KITLG: variants seen among roughly 807,000 people sequenced by gnomAD.
The protein encoded by KITLG is c-Kit ligand.
Under a neutral mutation model 34.1 loss-of-function variants are expected in KITLG, and 13 were observed. That is an observed-to-expected ratio of 0.38 (90% CI 0.25 to 0.61). The LOEUF (loss-of-function observed/expected upper bound fraction) is 0.61. Ranked by LOEUF, KITLG falls within the 20% of genes least tolerant of loss-of-function variation. The probability of loss-of-function intolerance (pLI) is 0.60; values close to 1 mark genes in which losing one functional copy is unlikely to be tolerated. For missense variants in KITLG, 292 were observed against 318.9 expected, an observed-to-expected ratio of 0.92 and a Z score of 0.64; for synonymous variants, 110 against 104.0, an observed-to-expected ratio of 1.06 and a Z score of -0.35.
intron 4 of KITLG, among the ~76,000 whole-genome samples, chr12:88,516,736 A>G (rs751515675): frequency 3.3e-5 from 5 of 151,088 alleles, no homozygotes; most frequent in Non-Finnish European, 7.4e-5. Context: ...TAAAATAAAT[A>G]ACCTTAAAAA....
chr12:88,575,850 A>G (rs1391322341), intron 1 of KITLG, among the ~76,000 whole-genome samples: 1 of 152,208 alleles, frequency 6.6e-6, no homozygotes, highest in Non-Finnish European at 1.5e-5. Flanking sequence ...GGGAATAAAA[A>G]TAATTTACAA....
chr12:88,530,733 T>C (rs1870053389), intron 3 of KITLG, among the ~76,000 whole-genome samples: 1 of 152,126 alleles, frequency 6.6e-6, no homozygotes, highest in Admixed American at 6.6e-5. Flanking sequence ...GACATAGGCT[T>C]GAGGATAAAT....
At position 88,505,320 on chromosome 12, in the gene KITLG, C is replaced by G. The variant is rs974334028; in HGVS notation, c.783-85G>C. ...ATGATCTCGGCATTGTAAAAGGCAG[C>G]TTTTCTGTAAATATAGTAGCAGAAG... On this transcript the variant is annotated intron_variant, in intron 8 of 9. Coordinates refer to ENST00000644744, the MANE Select transcript of KITLG (RefSeq NM_000899.5). The G allele has an allele frequency of 3.2e-5, 35 of 1,078,262 alleles. No individual in the cohort carries two copies. The Middle Eastern group carries it at 6.0e-4, about 18-fold the overall frequency. The allele number at this position is 1,078,262 out of a possible 1,614,324, so 66.8% of individuals were successfully genotyped here.
chr12:88,539,796 T>G (rs919808761), intron 2 of KITLG, among the ~76,000 whole-genome samples: 1 of 151,968 alleles, frequency 6.6e-6, no homozygotes, highest in Non-Finnish European at 1.5e-5. Context: ...TGGTGGCAAC[T>G]ACTCTGGAGT....
intron 9 of KITLG, among the ~76,000 whole-genome samples, chr12:88,497,901 C>A (rs565239457): frequency 6.6e-6 from 1 of 152,016 alleles, no homozygotes; most frequent in African/African-American, 2.4e-5. Flanking sequence ...ATACTTCCAA[C>A]CAAAAAAAGA....
intron 3 of KITLG, among the ~76,000 whole-genome samples, chr12:88,519,990 C>T (rs117945932): frequency 6.6e-6 from 1 of 152,118 alleles, no homozygotes; most frequent in Non-Finnish European, 1.5e-5. Context: ...AACTGTTTTA[C>T]TTAATATAAT....
intron 1 of KITLG, among the ~76,000 whole-genome samples, chr12:88,554,385 T>G (rs1871028016): frequency 6.6e-6 from 1 of 152,236 alleles, no homozygotes; most frequent in South Asian, 2.1e-4. Context: ...AGTTAAGTGT[T>G]TGTGTAGCTC....
chr12:88,578,646 A>G (rs530142981), intron 1 of KITLG, among the ~76,000 whole-genome samples: 2 of 152,288 alleles, frequency 1.3e-5, no homozygotes, highest in Non-Finnish European at 2.9e-5. Flanking sequence ...TCTCAAAGTG[A>G]CTTGATAGTA....
chr12:88,525,742 A>T (rs1869841266), intron 3 of KITLG, among the ~76,000 whole-genome samples: 1 of 152,222 alleles, frequency 6.6e-6, no homozygotes, highest in Admixed American at 6.5e-5. Flanking sequence ...TCACAAGATA[A>T]TAAACTAAAA....
At chr12:88,563,823 A>C (rs1871364717) in intron 1 of KITLG, among the ~76,000 whole-genome samples, 1 of 152,062 alleles carries the variant, frequency 6.6e-6, no homozygotes, top group South Asian at 2.1e-4. Context: ...TTAGCTGGGC[A>C]TGGTGGTGGG....
intron 1 of KITLG, among the ~76,000 whole-genome samples, chr12:88,577,336 C>A (rs1871861589): frequency 6.6e-6 from 1 of 152,086 alleles, no homozygotes; most frequent in African/African-American, 2.4e-5. Context: ...CAAGATCAAT[C>A]TTTCTTATCT....
At chr12:88,527,823 T>C (rs1869934210) in intron 3 of KITLG, among the ~76,000 whole-genome samples, 1 of 152,158 alleles carries the variant, frequency 6.6e-6, no homozygotes, top group Non-Finnish European at 1.5e-5. Flanking sequence ...TTGCATAAGC[T>C]CCACAGAAGC....
chr12:88,518,730 G>A lies in KITLG; in HGVS notation c.330C>T (p.Asp110=), dbSNP rs551112992. Residue 110 remains aspartate (D), a synonymous_variant, in exon 4 of 10, where the codon GAC becomes GAT. Coordinates refer to ENST00000644744, the MANE Select transcript of KITLG (RefSeq NM_000899.5). ...IIDKLVNIVD[D]LVECVKENSS... ...AGTTTTCTTTCACGCACTCCACAAG[G>A]TCATCCACTATATTCACAAGTTTGT... 6.2e-7 allele frequency: 1 copy of A among 1,613,306 alleles called. No homozygotes were observed. Among genetic ancestry groups the A allele is most frequent in the Non-Finnish European group, 8.5e-7 (1 of 1,179,494 alleles).
chr12:88,565,829 G>A (rs1023180971), intron 1 of KITLG, among the ~76,000 whole-genome samples: 1 of 152,180 alleles, frequency 6.6e-6, no homozygotes, highest in East Asian at 1.9e-4. Context: ...ACCCTCACAG[G>A]TGGGGAGAAT....
intron 1 of KITLG, among the ~76,000 whole-genome samples, chr12:88,565,364 G>A (rs1272661190): frequency 6.6e-6 from 1 of 152,060 alleles, no homozygotes; most frequent in African/African-American, 2.4e-5. Flanking sequence ...CGGTGGCTCA[G>A]GCCTGTAATC....
chr12:88,515,463 A>C (rs796551952), intron 6 of KITLG, 71 bp downstream of exon 6: 2 of 919,104 alleles, frequency 2.2e-6, no homozygotes, highest in African/African-American at 3.3e-5. Flanking sequence ...AGTTTCCTTG[A>C]AAGCCCATGC....
chr12:88,561,127 T>C (rs183187893), intron 1 of KITLG, among the ~76,000 whole-genome samples: 1 of 152,228 alleles, frequency 6.6e-6, no homozygotes, highest in East Asian at 1.9e-4. Flanking sequence ...TTATGGCCGT[T>C]GGAAAGTTAT....
rs1868473248 is a variant in KITLG at position 88,493,151 on chromosome 12, A to T, written c.*4068T>A. On this transcript the variant is annotated 3_prime_UTR_variant, in exon 10 of 10. Transcript: ENST00000644744. Reference sequence around the variant, plus strand: ...AATCACATATTAACCCTTAGAATATAGAATAGAATATTTTGATTGGAAAAT... The same window carrying T: ...AATCACATATTAACCCTTAGAATATTGAATAGAATATTTTGATTGGAAAAT... 6.6e-6 allele frequency: 1 copy of T among 152,374 alleles called. No individual in the cohort carries two copies. The highest frequency in any genetic ancestry group is 2.4e-5 in the African/African-American group (1 of 41,422). 9.4% of individuals were successfully genotyped at this position (152,374 alleles called of 1,614,324 possible).
At position 88,539,774 on chromosome 12, in the gene KITLG, A is replaced by T. The variant is rs552760419; in HGVS notation, c.129+5978T>A. Among the ~76,000 whole-genome samples, 19 of 152,198 alleles carry T rather than the reference A, an allele frequency of 1.2e-4. No individual in the cohort carries two copies. In the East Asian group the frequency reaches 2.9e-3, roughly 23 times the overall value. ...CCATCTCAAGAAAAAAATTTAAAAA[A>T]TTAGTCAGGTATGGTGGCAACTACT... On this transcript the variant is annotated intron_variant, in intron 2 of 9. Coordinates refer to ENST00000644744, the MANE Select transcript of KITLG (RefSeq NM_000899.5).
Sources: allele counts gnomAD v4.1 joint callset (sites outside exome capture counted in the v4.1 genomes callset), GRCh38; gene constraint gnomAD v4.1.1; transcripts MANE v1.5; gene names NCBI Gene and HGNC (gene_info 2026-07-23, HGNC 2026-07-21).